The following PPM1L variants were observed in gnomAD, a reference collection of about 807,000 sequenced individuals.
PPM1L encodes protein phosphatase, Mg2+/Mn2+ dependent 1L.
PPM1L carries 13 observed loss-of-function variants against 31.4 expected under a neutral mutation model. That is an observed-to-expected ratio of 0.41 (90% CI 0.27 to 0.66). The LOEUF is 0.66. Among genes scored for constraint, PPM1L ranks in the 30% least tolerant of loss-of-function variants. The pLI is 0.29. For synonymous variants in PPM1L, 184 were observed against 175.4 expected, an observed-to-expected ratio of 1.05 and a Z score of -0.39; for missense variants, 326 against 453.7, an observed-to-expected ratio of 0.72 and a Z score of 2.56.
At chr3:160,914,764 C>T (rs1471119515) in intron 1 of PPM1L, among the ~76,000 whole-genome samples, 4 of 152,100 alleles carry the variant, frequency 2.6e-5, no homozygotes, top group African/African-American at 9.7e-5. Flanking sequence ...GTGCATGTGT[C>T]TTTATAGCAG....
chr3:160,857,599 G>A (rs897880267), intron 1 of PPM1L, among the ~76,000 whole-genome samples: 1 of 151,972 alleles, frequency 6.6e-6, no homozygotes, highest in Non-Finnish European at 1.5e-5. Flanking sequence ...ATATTCTACT[G>A]TTTATTGTTT....
At chr3:160,815,138 T>A (rs570156086) in intron 1 of PPM1L, among the ~76,000 whole-genome samples, 1 of 152,104 alleles carries the variant, frequency 6.6e-6, no homozygotes, top group South Asian at 2.1e-4. Context: ...AAATACCACC[T>A]GTTCCCCAAA....
intron 1 of PPM1L, among the ~76,000 whole-genome samples, chr3:160,877,416 C>T (rs1712553170): frequency 6.6e-6 from 1 of 152,194 alleles, no homozygotes; most frequent in Non-Finnish European, 1.5e-5. Flanking sequence ...CTCTTCAGAT[C>T]TGACAGCTTT....
At chr3:160,896,403 T>C (rs1713336386) in intron 1 of PPM1L, among the ~76,000 whole-genome samples, 1 of 152,140 alleles carries the variant, frequency 6.6e-6, no homozygotes, top group African/African-American at 2.4e-5. Context: ...CATTTCTCTC[T>C]AGGTGATCAT....
intron 1 of PPM1L, among the ~76,000 whole-genome samples, chr3:160,870,121 G>T (rs1213271114): frequency 2.0e-5 from 3 of 152,140 alleles, no homozygotes; most frequent in Admixed American, 1.3e-4. Flanking sequence ...AGTGTGTGTG[G>T]GTGTGGGGGT....
intron 1 of PPM1L, among the ~76,000 whole-genome samples, chr3:160,918,353 T>C (rs946117645): frequency 6.6e-6 from 1 of 152,222 alleles, no homozygotes; most frequent in African/African-American, 2.4e-5. Flanking sequence ...AAATCCAGAA[T>C]AACTTCTGAG....
At chr3:160,803,976 G>A (rs1331911575) in intron 1 of PPM1L, among the ~76,000 whole-genome samples, 3 of 152,142 alleles carry the variant, frequency 2.0e-5, no homozygotes, top group Non-Finnish European at 4.4e-5. Context: ...GGAGTACAGT[G>A]GCGCAATCTC....
chr3:160,927,040 C>T (rs1299897856), intron 1 of PPM1L, among the ~76,000 whole-genome samples: 1 of 152,098 alleles, frequency 6.6e-6, no homozygotes, highest in Non-Finnish European at 1.5e-5. Context: ...GGTTTTCCAC[C>T]TAAGGCAAAT....
chr3:160,803,766 G>T (rs993995426), intron 1 of PPM1L, among the ~76,000 whole-genome samples: 1 of 152,206 alleles, frequency 6.6e-6, no homozygotes, highest in African/African-American at 2.4e-5. Flanking sequence ...TGGATAGAGA[G>T]CAGTTTTTCA....
chr3:160,877,975 T>A (rs1326877257), intron 1 of PPM1L, among the ~76,000 whole-genome samples: 3 of 152,208 alleles, frequency 2.0e-5, no homozygotes, highest in African/African-American at 7.2e-5. Context: ...TAAGCTTTCC[T>A]ATGTCAGCAG....
intron 2 of PPM1L, among the ~76,000 whole-genome samples, chr3:161,055,204 G>A (rs1719379030): frequency 6.6e-6 from 1 of 152,122 alleles, no homozygotes; most frequent in East Asian, 1.9e-4. Flanking sequence ...TCCCTGACAA[G>A]TCTTTCTATG....
At chr3:160,812,203 T>C (rs1712833592) in intron 1 of PPM1L, among the ~76,000 whole-genome samples, 1 of 152,218 alleles carries the variant, frequency 6.6e-6, no homozygotes, top group Non-Finnish European at 1.5e-5. Flanking sequence ...GGTAATCTGC[T>C]GCCAAGAACG....
At chr3:160,868,062 T>C (rs1712157435) in intron 1 of PPM1L, among the ~76,000 whole-genome samples, 2 of 152,332 alleles carry the variant, frequency 1.3e-5, no homozygotes, top group Middle Eastern at 6.8e-3. Context: ...AGAAGTATTA[T>C]ATAAACCTTA....
chr3:160,756,281 G>T lies in PPM1L; in HGVS notation c.-28G>T. On this transcript the variant is annotated 5_prime_UTR_variant, in exon 1 of 4. Transcript: ENST00000498165. This position sits in a 1 kb window ranked among gnomAD's most constrained non-coding sequence, Gnocchi z 6.2. ...CGAGCCTTCGGGGCGCGCGTCGCTG[G>T]TGGTGGTTGAGGCTCTAGCGATAAT... The T allele has an allele frequency of 1.3e-6, 2 of 1,580,060 alleles. No homozygotes were observed. Among genetic ancestry groups the T allele is most frequent in the South Asian group, 1.2e-5 (1 of 85,848 alleles).
In PPM1L at chr3:160,842,850, T is replaced by A. The variant is rs1382270474; in HGVS notation, c.399+86143T>A. Among the ~76,000 whole-genome samples, 3 of 152,310 alleles carry A rather than the reference T, an allele frequency of 2.0e-5. No homozygotes were observed. In the East Asian group the frequency reaches 5.8e-4, roughly 29 times the overall value. ...TTGTTTTTAAAATCTGATTCTAAATTAAGCACTTTGAGACAGAAGAAATGA... is the reference window on the plus strand; with the variant it reads ...TTGTTTTTAAAATCTGATTCTAAATAAAGCACTTTGAGACAGAAGAAATGA... On this transcript the variant is annotated intron_variant, in intron 1 of 3. Transcript: ENST00000498165.
intron 1 of PPM1L, among the ~76,000 whole-genome samples, chr3:160,957,577 C>CTTTTT (rs35644904): frequency 2.3e-5 from 3 of 129,210 alleles, no homozygotes; most frequent in Non-Finnish European, 4.8e-5. Flanking sequence ...TATTATTTGA[C>CTTTTT]TTTTTTTTTT....
At chr3:160,965,580 A>T (rs945847345) in intron 2 of PPM1L, among the ~76,000 whole-genome samples, 1 of 152,140 alleles carries the variant, frequency 6.6e-6, no homozygotes, top group Non-Finnish European at 1.5e-5. Flanking sequence ...TATGATGTTC[A>T]GTAGGTTAGG....
intron 2 of PPM1L, among the ~76,000 whole-genome samples, chr3:161,011,140 A>G (rs967943353): frequency 1.3e-5 from 2 of 152,142 alleles, no homozygotes; most frequent in Non-Finnish European, 2.9e-5. Flanking sequence ...TAGGGTTTTT[A>G]TGGCTTTAGG....
At chr3:160,780,850 T>C (rs898748407) in intron 1 of PPM1L, among the ~76,000 whole-genome samples, 2 of 152,304 alleles carry the variant, frequency 1.3e-5, no homozygotes, top group Admixed American at 1.3e-4. Flanking sequence ...TCAGTTCTTT[T>C]TTGAAATACA....
Sources: gnomAD v4.1 joint callset for allele counts (sites outside exome capture counted in the v4.1 genomes callset) on GRCh38, gnomAD v4.1.1 for gene constraint, Gnocchi (gnomAD v3.1) non-coding constraint, MANE v1.5 for transcripts, NCBI Gene and HGNC (gene_info 2026-07-23, HGNC 2026-07-21) for gene names.